GRIK3: variants seen among roughly 807,000 people sequenced by gnomAD.
GRIK3 encodes glutamate ionotropic receptor kainate type subunit 3.
GRIK3 carries 29 observed loss-of-function variants against 102.5 expected under a neutral mutation model. The ratio of observed to expected loss-of-function variants is 0.28; its 90% CI spans 0.21 to 0.39. The LOEUF (loss-of-function observed/expected upper bound fraction) is 0.39, where lower values mean the gene tolerates loss of function less well. Among genes scored for constraint, GRIK3 ranks in the 10% least tolerant of loss-of-function variants. The pLI, the probability that GRIK3 is intolerant of heterozygous loss-of-function variation, is 1.00. For synonymous variants in GRIK3, 511 were observed against 504.9 expected, an observed-to-expected ratio of 1.01 and a Z score of -0.16; for missense variants, 908 against 1,252.4, an observed-to-expected ratio of 0.73 and a Z score of 4.15.
rs140417168 is a variant in GRIK3 at position 37,003,786 on chromosome 1, C to G, written c.115+30208G>C. On this transcript the variant is annotated intron_variant, in intron 1 of 15. Coordinates refer to ENST00000373091, the MANE Select transcript of GRIK3 (RefSeq NM_000831.4). ...TTCCTCTCTGCTGTCTCCATATTTA[C>G]AAAGTCTGAGTCCAGCTCCATAACC... Among the ~76,000 whole-genome samples, 307 of 152,294 alleles carry G rather than the reference C, an allele frequency of 2.0e-3. 1 individual carries two copies. In the Middle Eastern group the frequency reaches 0.024, roughly 12 times the overall value.
At chr1:36,907,116 C>T (rs1413104780) in intron 1 of GRIK3, among the ~76,000 whole-genome samples, 2 of 152,158 alleles carry the variant, frequency 1.3e-5, no homozygotes, top group African/African-American at 4.8e-5. Flanking sequence ...GCTGTAGTCT[C>T]TACTTGTTCT....
At chr1:36,919,006 CT>C (rs1320794941) in intron 1 of GRIK3, among the ~76,000 whole-genome samples, 1 of 152,226 alleles carries the variant, frequency 6.6e-6, no homozygotes, top group East Asian at 1.9e-4. Context: ...ACCAACCTTG[CT>C]TTGATAAAAG....
At chr1:36,976,762 C>A (rs539696798) in intron 1 of GRIK3, among the ~76,000 whole-genome samples, 10 of 152,266 alleles carry the variant, frequency 6.6e-5, no homozygotes, top group Admixed American at 3.3e-4. Context: ...CAATTCTATA[C>A]CAGCACAGTC....
At chr1:36,991,070 C>A (rs890885844) in intron 1 of GRIK3, among the ~76,000 whole-genome samples, 4 of 152,138 alleles carry the variant, frequency 2.6e-5, no homozygotes, top group African/African-American at 9.7e-5. Flanking sequence ...CTAAGGAAAG[C>A]ACTTGAGCCC....
chr1:36,936,447 T>C (rs1452976927), intron 1 of GRIK3, among the ~76,000 whole-genome samples: 4 of 152,160 alleles, frequency 2.6e-5, no homozygotes, highest in South Asian at 2.1e-4. Flanking sequence ...GTTTGCAAGA[T>C]CTTAGGAAAG....
intron 1 of GRIK3, among the ~76,000 whole-genome samples, chr1:36,959,424 CTG>C (rs1641971869): frequency 8.3e-6 from 1 of 120,546 alleles, no homozygotes; most frequent in South Asian, 3.1e-4. Flanking sequence ...ATCTGTGAGT[CTG>C]TGAGTCTGTG....
chr1:36,948,682 C>A (rs936142118), intron 1 of GRIK3, among the ~76,000 whole-genome samples: 6 of 152,130 alleles, frequency 3.9e-5, no homozygotes, highest in African/African-American at 1.2e-4. Flanking sequence ...AGCTCCATGC[C>A]GGCTCCTCAC....
At chr1:36,938,282 T>C (rs1641681810) in intron 1 of GRIK3, among the ~76,000 whole-genome samples, 2 of 152,032 alleles carry the variant, frequency 1.3e-5, no homozygotes, top group African/African-American at 4.8e-5. Context: ...AGAGAGAGGA[T>C]GGAGGAGGTA....
At position 36,806,253 on chromosome 1, in the gene GRIK3, T is replaced by C; in HGVS notation, c.2165A>G (p.Asn722Ser). ...CAGGGCCCTCTGGATGCCCTCCTCG[T>C]TGTTCTTCACCAGCGCCGATGGCTT... ...SSKPSALVKN[N>S]EEGIQRALTA... is the part of the protein sequence containing the mutation. The change falls in exon 14 of 16, where the codon AAC becomes AGC. Residue 722 changes from asparagine to serine, a missense_variant. By Grantham distance (46) the Asn-to-Ser change is conservative. Transcript: ENST00000373091. This position sits in a 1 kb window ranked among gnomAD's most constrained non-coding sequence, Gnocchi z 4.0. 1 of 1,614,194 alleles carries C rather than the reference T, an allele frequency of 6.2e-7. No individual in the cohort carries two copies. Among genetic ancestry groups the C allele is most frequent in the South Asian group, 1.1e-5 (1 of 91,086 alleles).
chr1:37,003,478 G>A (rs553273685), intron 1 of GRIK3, among the ~76,000 whole-genome samples: 1 of 152,286 alleles, frequency 6.6e-6, no homozygotes, highest in East Asian at 1.9e-4. Context: ...CATGGTATCA[G>A]CCTCAAAAAG....
intron 1 of GRIK3, among the ~76,000 whole-genome samples, chr1:36,945,276 A>T (rs550263310): frequency 6.6e-6 from 1 of 152,366 alleles, no homozygotes; most frequent in South Asian, 2.1e-4. Flanking sequence ...TAGTTTCTGG[A>T]CAAAGCACCA....
chr1:37,024,805 G>T (rs1642751273), intron 1 of GRIK3, among the ~76,000 whole-genome samples: 1 of 151,058 alleles, frequency 6.6e-6, no homozygotes, highest in African/African-American at 2.4e-5. Flanking sequence ...GAGGGAGGCA[G>T]CCTTCAATCT....
At chr1:36,895,737 A>C (rs1166864083) in intron 1 of GRIK3, among the ~76,000 whole-genome samples, 1 of 152,190 alleles carries the variant, frequency 6.6e-6, no homozygotes, top group Non-Finnish European at 1.5e-5. Context: ...CCTCAAATTA[A>C]TGTCAGACAC....
At chr1:36,985,019 G>A (rs933107653) in intron 1 of GRIK3, among the ~76,000 whole-genome samples, 6 of 152,148 alleles carry the variant, frequency 3.9e-5, no homozygotes. Flanking sequence ...CGTGAAGCCC[G>A]GGCAGGAACA....
chr1:36,905,702 G>A (rs979294807), intron 1 of GRIK3, among the ~76,000 whole-genome samples: 15 of 152,108 alleles, frequency 9.9e-5, no homozygotes, highest in African/African-American at 3.6e-4. Context: ...GAAGTTTATG[G>A]ATAATTTTTA....
chr1:36,850,146 C>T lies in GRIK3; in HGVS notation c.1326+165G>A. On this transcript the variant is annotated intron_variant, in intron 9 of 15. Transcript: ENST00000373091. The surrounding 1 kb of genome is among the most constrained non-coding windows in gnomAD (Gnocchi z 4.0). ...CCGCCCGTGGCAGCGAGCAGCGCTG[C>T]TGCGCTCCAGCTGCTCTCTGAGAAC... 1.7e-6 allele frequency: 1 copy of T among 600,816 alleles called. No individual in the cohort carries two copies. The highest frequency in any genetic ancestry group is 3.0e-6 in the Non-Finnish European group (1 of 336,752). 37.2% of individuals were successfully genotyped at this position (600,816 alleles called of 1,614,324 possible).
chr1:36,823,094 C>T (rs187661752), intron 11 of GRIK3, among the ~76,000 whole-genome samples: 3 of 152,282 alleles, frequency 2.0e-5, no homozygotes, highest in African/African-American at 2.4e-5. Context: ...TCCAGATCTC[C>T]AGCAGCCAGC....
Position 36,850,730 on chromosome 1 carries a change from C to G in GRIK3, c.1213-306G>C, listed in dbSNP as rs1640574547. On this transcript the variant is annotated intron_variant, in intron 8 of 15. Transcript: ENST00000373091. The surrounding 1 kb of genome is among the most constrained non-coding windows in gnomAD (Gnocchi z 4.0). ...AGAGACAGCAAATGCGAAGGCAGCCCCAGGGGTCTCAGGGCTGAGCAGATG... is the reference window on the plus strand; with the variant it reads ...AGAGACAGCAAATGCGAAGGCAGCCGCAGGGGTCTCAGGGCTGAGCAGATG... 6.6e-6 allele frequency among the ~76,000 whole-genome samples: 1 copy of G among 152,162 alleles called. No individual in the cohort carries two copies. Among genetic ancestry groups the G allele is most frequent in the South Asian group, 2.1e-4 (1 of 4,822 alleles).
At chr1:36,838,336 A>G (rs1640405344) in intron 10 of GRIK3, among the ~76,000 whole-genome samples, 3 of 152,256 alleles carry the variant, frequency 2.0e-5, no homozygotes, top group African/African-American at 7.2e-5. Flanking sequence ...TCATCAAAAC[A>G]CATGGGAATA....
Sources: allele counts gnomAD v4.1 joint callset (sites outside exome capture counted in the v4.1 genomes callset), GRCh38; gene constraint gnomAD v4.1.1; non-coding constraint Gnocchi (gnomAD v3.1); transcripts MANE v1.5; gene names NCBI Gene and HGNC (gene_info 2026-07-23, HGNC 2026-07-21).